The following SCFD2 variants were observed in gnomAD, a reference collection of about 807,000 sequenced individuals.
SCFD2 encodes the protein sec1 family domain-containing protein 2.
Under a neutral mutation model 58.9 loss-of-function variants are expected in SCFD2, and 54 were observed. The ratio of observed to expected loss-of-function variants is 0.92; its 90% CI spans 0.74 to 1.15. The LOEUF (loss-of-function observed/expected upper bound fraction) is 1.15. SCFD2 is among the 50% of genes most tolerant of loss of function. The probability of loss-of-function intolerance (pLI) is 0.00; values close to 1 mark genes in which losing one functional copy is unlikely to be tolerated. For synonymous variants in SCFD2, 321 were observed against 335.9 expected (o/e 0.96, Z 0.49); for missense variants, 805 against 836.6 (o/e 0.96, Z 0.47).
rs531128776 is a variant in SCFD2, at chr4:53,320,218, C to T, written c.1008-6455G>A. Among the ~76,000 whole-genome samples the T allele has an allele frequency of 1.4e-4, 21 of 152,298 alleles. 1 individual carries two copies. Among genetic ancestry groups the T allele is most frequent in the Middle Eastern group, 6.8e-3 (2 of 294 alleles). ...TTTGAACTCAGGTTGCTGTGAACTCCAAAATCCATCTGTTTACCATAATTC... is the reference window on the plus strand; with the variant it reads ...TTTGAACTCAGGTTGCTGTGAACTCTAAAATCCATCTGTTTACCATAATTC... On this transcript the variant is annotated intron_variant, in intron 2 of 8. Coordinates refer to ENST00000401642, the MANE Select transcript of SCFD2 (RefSeq NM_152540.4).
At chr4:53,267,621 T>A (rs1250065349) in intron 4 of SCFD2, among the ~76,000 whole-genome samples, 1 of 152,198 alleles carries the variant, frequency 6.6e-6, no homozygotes, top group Admixed American at 6.5e-5. Context: ...CTCTCTGTGT[T>A]GCCAGGCTGG....
intron 5 of SCFD2, among the ~76,000 whole-genome samples, chr4:53,140,486 T>C (rs1726102262): frequency 6.7e-6 from 1 of 150,224 alleles, no homozygotes; most frequent in Admixed American, 6.6e-5. Context: ...AGCCTTGTTT[T>C]AGAAAGCTGG....
At chr4:53,258,577 TACAC>T (rs1553893403) in intron 4 of SCFD2, among the ~76,000 whole-genome samples, 3 of 121,392 alleles carry the variant, frequency 2.5e-5, no homozygotes, top group Non-Finnish European at 3.4e-5. Flanking sequence ...TATATATATA[TACAC>T]ACACATATAT....
At chr4:53,120,880 G>A (rs1038804963) in intron 5 of SCFD2, among the ~76,000 whole-genome samples, 10 of 152,146 alleles carry the variant, frequency 6.6e-5, no homozygotes, top group African/African-American at 2.4e-4. Flanking sequence ...AACTCTTTGT[G>A]TACTTAAAGA....
intron 5 of SCFD2, among the ~76,000 whole-genome samples, chr4:52,945,074 C>A (rs1720389061): frequency 6.6e-6 from 1 of 152,112 alleles, no homozygotes; most frequent in African/African-American, 2.4e-5. Context: ...AATATTATGT[C>A]ATAATGCTTT....
At chr4:52,913,828 G>A (rs1001927855) in intron 6 of SCFD2, among the ~76,000 whole-genome samples, 23 of 152,212 alleles carry the variant, frequency 1.5e-4, no homozygotes, top group African/African-American at 5.3e-4. Context: ...AGACTTTATG[G>A]GTCCAGCCCT....
At chr4:52,982,676 C>G (rs991173284) in intron 5 of SCFD2, among the ~76,000 whole-genome samples, 1 of 152,122 alleles carries the variant, frequency 6.6e-6, no homozygotes, top group Non-Finnish European at 1.5e-5. Flanking sequence ...TCAGTGGAAA[C>G]TGAATATCAC....
At position 53,249,492 on chromosome 4, in the gene SCFD2, G is replaced by C. The variant is rs922252396; in HGVS notation, c.1311+24334C>G. On this transcript the variant is annotated intron_variant, in intron 4 of 8. Coordinates refer to ENST00000401642, the MANE Select transcript of SCFD2 (RefSeq NM_152540.4). ...TAATCCTTGAGAAGAGCAACTCCAA[G>C]ACACATAATTGTCAGATTCACAAAG... is the stretch of plus-strand genomic sequence containing the variant. Among the ~76,000 whole-genome samples the C allele has an allele frequency of 3.3e-5, 5 of 152,144 alleles. No individual in the cohort carries two copies. In the South Asian group the frequency reaches 6.2e-4, roughly 19 times the overall value.
rs543747280 is a variant in SCFD2, at chr4:53,252,290, G to A, written c.1311+21536C>T. Among the ~76,000 whole-genome samples the A allele has an allele frequency of 3.1e-4, 46 of 148,128 alleles. No individual in the cohort carries two copies. The Middle Eastern group carries it at 0.014, about 45-fold the overall frequency. On this transcript the variant is annotated intron_variant, in intron 4 of 8. Coordinates refer to ENST00000401642, the MANE Select transcript of SCFD2 (RefSeq NM_152540.4). ...CTCATGGGTAGGAAGAATCAATATC[G>A]TGAAAATGGCCATACTGCCCAAGGT... is the stretch of plus-strand genomic sequence containing the variant.
intron 5 of SCFD2, among the ~76,000 whole-genome samples, chr4:53,109,188 C>T (rs1237889656): frequency 6.6e-6 from 1 of 151,988 alleles, no homozygotes; most frequent in African/African-American, 2.4e-5. Flanking sequence ...AAAAACTCTC[C>T]ATAAACTAGG....
At chr4:52,880,667 G>A (rs1421044656) in intron 8 of SCFD2, among the ~76,000 whole-genome samples, 2 of 152,018 alleles carry the variant, frequency 1.3e-5, no homozygotes, top group Non-Finnish European at 2.9e-5. Flanking sequence ...ATTGAACTCT[G>A]TAAATGTAGA....
intron 4 of SCFD2, among the ~76,000 whole-genome samples, chr4:53,188,953 A>G (rs1244786254): frequency 6.6e-6 from 1 of 152,130 alleles, no homozygotes; most frequent in Admixed American, 6.6e-5. Context: ...GGTTCATATG[A>G]TCACCTCCAT....
At chr4:53,126,727 G>A (rs926859654) in intron 5 of SCFD2, among the ~76,000 whole-genome samples, 10 of 152,158 alleles carry the variant, frequency 6.6e-5, no homozygotes, top group Non-Finnish European at 1.0e-4. Flanking sequence ...CTTAACTACA[G>A]AGTACAAGTT....
intron 3 of SCFD2, among the ~76,000 whole-genome samples, chr4:53,298,029 G>T (rs1447332973): frequency 6.6e-6 from 1 of 152,170 alleles, no homozygotes; most frequent in African/African-American, 2.4e-5. Flanking sequence ...CGACACAGAA[G>T]ACGGGTGATT....
chr4:53,290,471 A>G (rs1234678896), intron 3 of SCFD2, among the ~76,000 whole-genome samples: 1 of 152,206 alleles, frequency 6.6e-6, no homozygotes, highest in Non-Finnish European at 1.5e-5. Flanking sequence ...GTGAAGCAAT[A>G]GCAGTTCTAA....
At chr4:53,056,800 G>A (rs1187027000) in intron 5 of SCFD2, among the ~76,000 whole-genome samples, 1 of 152,102 alleles carries the variant, frequency 6.6e-6, no homozygotes, top group Admixed American at 6.6e-5. Flanking sequence ...AGAGGGATAG[G>A]GGCACTGAGT....
chr4:53,153,202 G>A (rs1228827811), intron 4 of SCFD2, among the ~76,000 whole-genome samples: 2 of 152,186 alleles, frequency 1.3e-5, no homozygotes, highest in African/African-American at 4.8e-5. Context: ...CCTCCACACT[G>A]CCTTAGTAGA....
intron 5 of SCFD2, among the ~76,000 whole-genome samples, chr4:52,962,401 G>A (rs1720871485): frequency 6.6e-6 from 1 of 152,094 alleles, no homozygotes; most frequent in African/African-American, 2.4e-5. Flanking sequence ...AAACTCTTGA[G>A]GCCACCAACT....
At chr4:53,113,789 G>A (rs1371654449) in intron 5 of SCFD2, among the ~76,000 whole-genome samples, 1 of 147,314 alleles carries the variant, frequency 6.8e-6, no homozygotes, top group East Asian at 2.0e-4. Context: ...TGTTTATAAA[G>A]TGGCTGGAAT....
Sources: allele counts gnomAD v4.1 joint callset (sites outside exome capture counted in the v4.1 genomes callset), GRCh38; gene constraint gnomAD v4.1.1; transcripts MANE v1.5; gene names NCBI Gene and HGNC (gene_info 2026-07-23, HGNC 2026-07-21).